CCDC141: variants seen among roughly 807,000 people sequenced by gnomAD.
CCDC141 encodes the protein coiled-coil domain-containing protein 141.
Under a neutral mutation model 181.0 loss-of-function variants are expected in CCDC141, and 168 were observed. The observed-to-expected ratio is 0.93, with a 90% confidence interval of 0.82 to 1.05. CCDC141 has a LOEUF of 1.05. Among genes scored for constraint, CCDC141 ranks in the 50% least tolerant of loss-of-function variants. CCDC141 has a pLI of 0.00. For synonymous variants in CCDC141, 666 were observed against 642.3 expected (o/e 1.04, Z -0.56); for missense variants, 1,902 against 1,788.5 (o/e 1.06, Z -1.14).
chr2:178,894,877 G>T (rs1208479589), intron 8 of CCDC141, among the ~76,000 whole-genome samples: 1 of 152,122 alleles, frequency 6.6e-6, no homozygotes, highest in African/African-American at 2.4e-5. Flanking sequence ...CTCATAATTT[G>T]CGACATAATA....
At chr2:179,028,434 T>G (rs1427333552) in intron 2 of CCDC141, among the ~76,000 whole-genome samples, 1 of 152,218 alleles carries the variant, frequency 6.6e-6, no homozygotes, top group Non-Finnish European at 1.5e-5. Flanking sequence ...CTACTGCAGA[T>G]TTTTCTCTTT....
At chr2:178,936,057 T>C (rs1281041869) in intron 6 of CCDC141, among the ~76,000 whole-genome samples, 1 of 152,186 alleles carries the variant, frequency 6.6e-6, no homozygotes, top group East Asian at 1.9e-4. Context: ...GTCTGTTTAC[T>C]CTGTTGATAG....
intron 14 of CCDC141, among the ~76,000 whole-genome samples, chr2:178,870,846 A>AT (rs1323116978): frequency 2.6e-5 from 4 of 152,204 alleles, no homozygotes; most frequent in Admixed American, 2.0e-4. Context: ...GTTGTGTCAC[A>AT]TTTTGGAGAG....
chr2:179,041,963 G>A (rs926357344), intron 2 of CCDC141, among the ~76,000 whole-genome samples: 17 of 152,108 alleles, frequency 1.1e-4, no homozygotes, highest in South Asian at 2.1e-4. Context: ...CACAATAGTC[G>A]TGGGAGACTT....
intron 2 of CCDC141, among the ~76,000 whole-genome samples, chr2:179,016,584 G>A (rs552583583): frequency 5.3e-5 from 8 of 152,032 alleles, no homozygotes; most frequent in Non-Finnish European, 7.4e-5. Flanking sequence ...TGTATTGATC[G>A]AATCTAACCC....
chr2:179,033,707 T>C (rs1003412506), intron 2 of CCDC141, among the ~76,000 whole-genome samples: 7 of 152,174 alleles, frequency 4.6e-5, no homozygotes, highest in Non-Finnish European at 5.9e-5. Context: ...GAACTATGGG[T>C]TCTATTTTCC....
intron 4 of CCDC141, among the ~76,000 whole-genome samples, chr2:178,965,095 C>T (rs1469754633): frequency 1.3e-5 from 2 of 152,112 alleles, no homozygotes; most frequent in African/African-American, 2.4e-5. Flanking sequence ...ATAAACTTTC[C>T]AAATGAGTAC....
At chr2:179,003,479 G>A (rs946019766) in intron 2 of CCDC141, among the ~76,000 whole-genome samples, 2 of 152,302 alleles carry the variant, frequency 1.3e-5, no homozygotes, top group East Asian at 1.9e-4. Flanking sequence ...AAGATTTTGT[G>A]AAGATTAAAT....
chr2:179,011,480 C>G (rs145765099), intron 2 of CCDC141, among the ~76,000 whole-genome samples: 1 of 152,116 alleles, frequency 6.6e-6, no homozygotes, highest in African/African-American at 2.4e-5. Context: ...AAAACAATTA[C>G]TAATAGACCT....
chr2:179,031,504 T>C (rs13383297), intron 2 of CCDC141, among the ~76,000 whole-genome samples: 20 of 152,150 alleles, frequency 1.3e-4, no homozygotes, highest in African/African-American at 4.8e-4. Flanking sequence ...TTTATCTTCA[T>C]TTTTTCCATC....
chr2:178,829,106 C>G (rs1385887412), downstream of CCDC141, among the ~76,000 whole-genome samples: 1 of 152,072 alleles, frequency 6.6e-6, no homozygotes, highest in Non-Finnish European at 1.5e-5. Flanking sequence ...TATTATTGTT[C>G]TGGTTTAAAG....
chr2:178,945,890 G>A (rs1358408450), intron 5 of CCDC141, among the ~76,000 whole-genome samples: 2 of 149,510 alleles, frequency 1.3e-5, no homozygotes, highest in Non-Finnish European at 3.0e-5. Context: ...AGAGTTAAGG[G>A]CTCACCTAGA....
At chr2:178,850,642 C>T (rs1197649713) in intron 20 of CCDC141, among the ~76,000 whole-genome samples, 2 of 152,200 alleles carry the variant, frequency 1.3e-5, no homozygotes, top group East Asian at 3.9e-4. Flanking sequence ...ATTCCTTCCT[C>T]TACCAGGACT....
chr2:179,000,999 C>A (rs2041953356), intron 2 of CCDC141, among the ~76,000 whole-genome samples: 1 of 152,088 alleles, frequency 6.6e-6, no homozygotes, highest in Non-Finnish European at 1.5e-5. Flanking sequence ...GAGTGAATAG[C>A]CAGGCCTGGG....
At chr2:178,971,621 T>A (rs951871976) in intron 4 of CCDC141, among the ~76,000 whole-genome samples, 1 of 152,180 alleles carries the variant, frequency 6.6e-6, no homozygotes, top group African/African-American at 2.4e-5. Context: ...CACATGCACA[T>A]GTATGTTTAT....
rs752447321 is a variant in CCDC141 at position 178,836,889 on chromosome 2, C to T, written c.4325+5G>A. ...ATTTATGGCTTGTCATTATAGGCTA[C>T]CCACCATGTCAGTGTAGGCTCTGGA... On this transcript the variant is annotated splice_donor_5th_base_variant and intron_variant, in intron 23 of 23. Coordinates refer to ENST00000443758, the MANE Select transcript of CCDC141 (RefSeq NM_173648.4). 1.9e-6 allele frequency: 3 copies of T among 1,594,694 alleles called. No individual in the cohort carries two copies. The highest frequency in any genetic ancestry group is 1.1e-5 in the South Asian group (1 of 87,060).
Position 178,868,211 on chromosome 2 carries a change from A to G in CCDC141, c.2395-6T>C. On this transcript the variant is annotated splice_region_variant and splice_polypyrimidine_tract_variant and intron_variant, in intron 15 of 23. Transcript: ENST00000443758. Reference sequence around the variant, plus strand: ...GATTTGATGAGACGTCCCAGCTACAATTTAGGGCATTAACAATTAACCTGG... The same window carrying G: ...GATTTGATGAGACGTCCCAGCTACAGTTTAGGGCATTAACAATTAACCTGG... 4.4e-6 allele frequency: 7 copies of G among 1,600,974 alleles called. No individual in the cohort carries two copies. Among genetic ancestry groups the G allele is most frequent in the Non-Finnish European group, 6.0e-6 (7 of 1,169,114 alleles).
intron 2 of CCDC141, among the ~76,000 whole-genome samples, chr2:179,037,749 G>A (rs1007062284): frequency 3.3e-4 from 50 of 152,112 alleles, no homozygotes; most frequent in African/African-American, 1.2e-3. Flanking sequence ...ATGAAAAGAT[G>A]CTCAACATCA....
the CCDC141 span, among the ~76,000 whole-genome samples, chr2:178,821,157 T>C: frequency 2.0e-5 from 3 of 152,202 alleles, no homozygotes; most frequent in African/African-American, 7.2e-5. Context: ...ATGAAAGGGC[T>C]TTAAGCCTGG....
Sources: allele counts gnomAD v4.1 joint callset (sites outside exome capture counted in the v4.1 genomes callset), GRCh38; gene constraint gnomAD v4.1.1; transcripts MANE v1.5; gene names NCBI Gene and HGNC (gene_info 2026-07-23, HGNC 2026-07-21).